LOXL2: variants seen among roughly 807,000 people sequenced by gnomAD.
The protein encoded by LOXL2 is lysyl oxidase like 2.
In LOXL2, 70 loss-of-function variants were observed where a neutral mutation model predicts 93.0. That is an observed-to-expected ratio of 0.75 (90% confidence interval 0.62 to 0.92). The LOEUF (loss-of-function observed/expected upper bound fraction) is 0.92. LOXL2 is among the 40% of genes least tolerant of loss of function. The pLI is 0.00. For missense variants in LOXL2, 973 were observed against 1,054.9 expected (o/e 0.92, Z 1.08); for synonymous variants, 438 against 413.2 (o/e 1.06, Z -0.73).
At chr8:23,314,085 A>G (rs1488452783) in intron 9 of LOXL2, among the ~76,000 whole-genome samples, 1 of 151,872 alleles carries the variant, frequency 6.6e-6, no homozygotes, top group Non-Finnish European at 1.5e-5. Flanking sequence ...AATCAAAACC[A>G]CAATGAGATA....
chr8:23,376,115 C>T (rs187272601), intron 1 of LOXL2, among the ~76,000 whole-genome samples: 13 of 150,022 alleles, frequency 8.7e-5, no homozygotes, highest in East Asian at 1.9e-4. Context: ...TACGTCTAAT[C>T]GATACCTAAT....
chr8:23,360,131 G>C lies in LOXL2; in HGVS notation c.490C>G (p.Pro164Ala). The change falls in exon 3 of 14, where the codon CCT becomes GCT. Residue 164 changes from proline to alanine, a missense_variant. Transcript: ENST00000389131. ...VGVVCSDKRI[P>A]GFKFDNSLIN... ...AACGAATTGTCAAATTTGAACCCAGGAATCCTTTTGTCGCTGCACACCACA... is the reference window on the plus strand; with the variant it reads ...AACGAATTGTCAAATTTGAACCCAGCAATCCTTTTGTCGCTGCACACCACA... The C allele has an allele frequency of 1.2e-6, 2 of 1,610,738 alleles. No individual in the cohort carries two copies. The highest frequency in any genetic ancestry group is 1.7e-6 in the Non-Finnish European group (2 of 1,177,028).
intron 8 of LOXL2, among the ~76,000 whole-genome samples, chr8:23,317,582 T>C (rs1803423337): frequency 6.6e-6 from 1 of 152,210 alleles, no homozygotes; most frequent in South Asian, 2.1e-4. Flanking sequence ...TCTATTTGCA[T>C]AGGTCAATCA....
At chr8:23,353,717 G>A (rs886143536) in intron 3 of LOXL2, among the ~76,000 whole-genome samples, 3 of 152,210 alleles carry the variant, frequency 2.0e-5, no homozygotes, top group Admixed American at 1.3e-4. Context: ...AGTCTGCAAA[G>A]CACTTTTAGA....
chr8:23,335,387 A>G (rs1388107595), intron 4 of LOXL2, among the ~76,000 whole-genome samples: 2 of 152,180 alleles, frequency 1.3e-5, no homozygotes, highest in Non-Finnish European at 2.9e-5. Context: ...ATGAGTTAAT[A>G]CTTGTCACTT....
chr8:23,340,431 ACTT>A (rs1563195473), intron 4 of LOXL2, among the ~76,000 whole-genome samples: 1 of 152,086 alleles, frequency 6.6e-6, no homozygotes, highest in Admixed American at 6.5e-5. Flanking sequence ...GTCCCTGTCT[ACTT>A]CTTTCCCCTA....
At chr8:23,330,445 TC>T (rs1174962960) in intron 5 of LOXL2, among the ~76,000 whole-genome samples, 4 of 152,192 alleles carry the variant, frequency 2.6e-5, no homozygotes, top group African/African-American at 9.6e-5. Flanking sequence ...AATGGTGGCC[TC>T]CTGCTTCCCT....
chr8:23,322,307 T>C, intron 6 of LOXL2, 26 bp from the exon 7 acceptor site: 1 of 1,601,994 alleles, frequency 6.2e-7, no homozygotes, highest in Non-Finnish European at 8.5e-7. Context: ...AAACATGCTC[T>C]ATGAAAGCTT....
In LOXL2 at chr8:23,340,261, C is replaced by G. The variant is rs550574518; in HGVS notation, c.743+731G>C. On this transcript the variant is annotated intron_variant, in intron 4 of 13. Coordinates refer to ENST00000389131, the MANE Select transcript of LOXL2 (RefSeq NM_002318.3). ...GAATAGTGCCTGGCACATTATAAGT[C>G]TTTGGTAAAGCCAAGCCAGTATTCC... Among the ~76,000 whole-genome samples the G allele has an allele frequency of 2.0e-4, 31 of 152,294 alleles. 1 individual carries two copies. The highest frequency in any genetic ancestry group is 7.5e-4 in the African/African-American group (31 of 41,548).
intron 10 of LOXL2, among the ~76,000 whole-genome samples, chr8:23,308,113 T>C (rs1010697989): frequency 6.6e-6 from 1 of 152,200 alleles, no homozygotes; most frequent in East Asian, 1.9e-4. Context: ...TCCAAGCCTC[T>C]GTGTCCTTTT....
At chr8:23,376,186 A>C (rs557395652) in intron 1 of LOXL2, among the ~76,000 whole-genome samples, 1 of 152,292 alleles carries the variant, frequency 6.6e-6, no homozygotes, top group East Asian at 1.9e-4. Context: ...TTCTGCTTCT[A>C]TTGAGATAAT....
chr8:23,319,036 G>T (rs1803451894), intron 8 of LOXL2, among the ~76,000 whole-genome samples: 1 of 152,244 alleles, frequency 6.6e-6, no homozygotes, highest in African/African-American at 2.4e-5. Context: ...GGGAAGGAGA[G>T]CTGGAGTCAG....
chr8:23,345,562 G>C (rs6986532), intron 3 of LOXL2, among the ~76,000 whole-genome samples: 61,257 of 151,774 alleles, frequency 0.4, 13,201 homozygotes, highest in African/African-American at 0.57. Flanking sequence ...CCAGCTCATG[G>C]AGACTGAGTT....
intron 10 of LOXL2, among the ~76,000 whole-genome samples, chr8:23,306,299 C>T (rs928779503): frequency 6.6e-6 from 1 of 152,206 alleles, no homozygotes; most frequent in African/African-American, 2.4e-5. Flanking sequence ...GAGATGCTTG[C>T]ACTCTACATC....
At chr8:23,372,666 A>G (rs1463780700) in intron 1 of LOXL2, among the ~76,000 whole-genome samples, 1 of 152,226 alleles carries the variant, frequency 6.6e-6, no homozygotes, top group Non-Finnish European at 1.5e-5. Flanking sequence ...AAAAAGGGAC[A>G]GTTTACGATA....
At chr8:23,347,422 C>G (rs1804011196) in intron 3 of LOXL2, among the ~76,000 whole-genome samples, 1 of 151,968 alleles carries the variant, frequency 6.6e-6, no homozygotes, top group Non-Finnish European at 1.5e-5. Flanking sequence ...CTTTGGGAGG[C>G]CAAGGTGGGC....
At chr8:23,335,711 G>T (rs947782077) in intron 4 of LOXL2, among the ~76,000 whole-genome samples, 2 of 152,134 alleles carry the variant, frequency 1.3e-5, no homozygotes, top group African/African-American at 4.8e-5. Flanking sequence ...GAGGGTACTC[G>T]CTGGGCAGGC....
At chr8:23,374,104 C>T in intron 1 of LOXL2, among the ~76,000 whole-genome samples, 1 of 121,736 alleles carries the variant, frequency 8.2e-6, no homozygotes, top group Non-Finnish European at 1.7e-5. Context: ...CCCCCCTCCC[C>T]CCACCCCACA....
intron 13 of LOXL2, 69 bp downstream of exon 13, chr8:23,298,767 G>C (rs1464725780): frequency 1.1e-6 from 1 of 934,052 alleles, no homozygotes; most frequent in Admixed American, 1.8e-5. Flanking sequence ...TTAGGAAGCT[G>C]CCTCTGGGTC....
Sources: gnomAD v4.1 joint callset for allele counts (sites outside exome capture counted in the v4.1 genomes callset) on GRCh38, gnomAD v4.1.1 for gene constraint, MANE v1.5 for transcripts, NCBI Gene and HGNC (gene_info 2026-07-23, HGNC 2026-07-21) for gene names.